The following PICALM variants were observed in gnomAD, a reference collection of about 807,000 sequenced individuals.
The protein encoded by PICALM is phosphatidylinositol binding clathrin assembly protein, also known as phosphatidylinositol-binding clathrin assembly protein.
A neutral mutation model predicts 80.5 loss-of-function variants in PICALM; 40 were observed. That is an observed-to-expected ratio of 0.50 (90% CI 0.39 to 0.65). The LOEUF (loss-of-function observed/expected upper bound fraction) is 0.65. PICALM is among the 30% of genes least tolerant of loss of function. The pLI is 0.00. For missense variants in PICALM, 676 were observed against 778.9 expected, an observed-to-expected ratio of 0.87 and a Z score of 1.57; for synonymous variants, 288 against 260.3, an observed-to-expected ratio of 1.11 and a Z score of -1.02.
chr11:86,000,611 T>C (rs373564304), intron 11 of PICALM, 32 bp downstream of exon 11: 21 of 1,564,370 alleles, frequency 1.3e-5, no homozygotes, highest in Non-Finnish European at 1.7e-5. Flanking sequence ...TGAACCTACA[T>C]ATTCAAAGGT....
At chr11:86,041,342 G>A (rs1410169770) in intron 1 of PICALM, among the ~76,000 whole-genome samples, 1 of 152,090 alleles carries the variant, frequency 6.6e-6, no homozygotes, top group Non-Finnish European at 1.5e-5. Flanking sequence ...CAGCATAATT[G>A]CTTTTTCAAG....
chr11:86,050,691 GTGGTAGAACATAAA>G (rs2096171162), intron 1 of PICALM, among the ~76,000 whole-genome samples: 1 of 152,138 alleles, frequency 6.6e-6, no homozygotes, highest in Non-Finnish European at 1.5e-5. Flanking sequence ...TTATGTCACT[GTGGTAGAACATAAA>G]TGGTGATGGA....
chr11:85,978,726 CT>C, intron 17 of PICALM: 1 of 152,220 alleles, frequency 6.6e-6, no homozygotes, highest in East Asian at 1.9e-4. Context: ...AAGATAAAGA[CT>C]GTTACCTTAT....
intron 1 of PICALM, among the ~76,000 whole-genome samples, chr11:86,065,750 CTA>C (rs2137850397): frequency 6.6e-6 from 1 of 152,300 alleles, no homozygotes; most frequent in African/African-American, 2.4e-5. Context: ...CTAGTCAACA[CTA>C]TTATCCACTA....
intron 1 of PICALM, among the ~76,000 whole-genome samples, chr11:86,047,854 C>T (rs1269616166): frequency 6.6e-6 from 1 of 152,130 alleles, no homozygotes; most frequent in Non-Finnish European, 1.5e-5. Context: ...AATACCAGCA[C>T]TTTGGGAGGC....
chr11:86,067,070 C>T (rs1273449255), intron 1 of PICALM, among the ~76,000 whole-genome samples: 1 of 152,156 alleles, frequency 6.6e-6, no homozygotes, highest in Non-Finnish European at 1.5e-5. Flanking sequence ...AACTTTTTTC[C>T]ACAGTGGAGG....
At chr11:86,020,575 A>G (rs1234521583) in intron 4 of PICALM, among the ~76,000 whole-genome samples, 1 of 152,186 alleles carries the variant, frequency 6.6e-6, no homozygotes, top group Admixed American at 6.5e-5. Context: ...CCAGAAATAA[A>G]CCTTTACATT....
chr11:86,003,318 G>T, intron 9 of PICALM, 48 bp downstream of exon 9: 1 of 1,103,940 alleles, frequency 9.1e-7, no homozygotes. Flanking sequence ...TTCATCTACT[G>T]CCTCAGAAAA....
chr11:85,982,903 A>G (rs1368203452), intron 14 of PICALM, among the ~76,000 whole-genome samples: 1 of 151,988 alleles, frequency 6.6e-6, no homozygotes, highest in East Asian at 1.9e-4. Context: ...AATCAAACAA[A>G]CCCTCTATGG....
At chr11:86,037,006 C>G (rs890002145) in intron 1 of PICALM, among the ~76,000 whole-genome samples, 1 of 149,910 alleles carries the variant, frequency 6.7e-6, no homozygotes, top group African/African-American at 2.5e-5. Flanking sequence ...GAGTGCATGG[C>G]GTGATCTCGG....
intron 18 of PICALM, 48 bp downstream of exon 18, chr11:85,976,575 A>G: frequency 1.8e-6 from 2 of 1,086,368 alleles, no homozygotes; most frequent in Non-Finnish European, 2.9e-6. Context: ...AACATGTTAT[A>G]TATGAATCAA....
chr11:86,035,042 T>C (rs974537531), intron 1 of PICALM, among the ~76,000 whole-genome samples: 1 of 152,044 alleles, frequency 6.6e-6, no homozygotes, highest in Non-Finnish European at 1.5e-5. Flanking sequence ...TTAATACACG[T>C]TCTCGACTGA....
intron 8 of PICALM, among the ~76,000 whole-genome samples, chr11:86,004,202 A>G (rs1005700962): frequency 3.3e-5 from 5 of 152,218 alleles, no homozygotes; most frequent in Non-Finnish European, 7.3e-5. Flanking sequence ...TGGAAAATGG[A>G]TAGACAAAAT....
At chr11:86,066,967 T>C (rs1390030137) in intron 1 of PICALM, among the ~76,000 whole-genome samples, 1 of 152,222 alleles carries the variant, frequency 6.6e-6, no homozygotes, top group Non-Finnish European at 1.5e-5. Flanking sequence ...TTTAAACATA[T>C]TCTCCATTCT....
At chr11:86,021,367 A>AT (rs1180151632) in intron 4 of PICALM, among the ~76,000 whole-genome samples, 2 of 152,026 alleles carry the variant, frequency 1.3e-5, no homozygotes, top group South Asian at 2.1e-4. Context: ...TTGAAGAGGC[A>AT]TTTTTTCAAA....
chr11:86,034,296 T>C (rs972901401), intron 1 of PICALM, among the ~76,000 whole-genome samples: 2 of 152,184 alleles, frequency 1.3e-5, no homozygotes, highest in African/African-American at 4.8e-5. Context: ...ATTTTCTCCA[T>C]ACAGTAATTT....
chr11:86,039,677 G>T (rs530290754), intron 1 of PICALM, among the ~76,000 whole-genome samples: 2 of 152,090 alleles, frequency 1.3e-5, no homozygotes, highest in Non-Finnish European at 2.9e-5. Context: ...TTTAACAGAG[G>T]TAAGTATTCC....
At chr11:86,022,774 TTC>T (rs2095588433) in intron 3 of PICALM, among the ~76,000 whole-genome samples, 3 of 135,648 alleles carry the variant, frequency 2.2e-5, no homozygotes, top group Admixed American at 7.5e-5. Flanking sequence ...TAGAAAAACG[TTC>T]TTTTACACAA....
chr11:86,000,978 T>C (rs1222866198), intron 10 of PICALM, 57 bp downstream of exon 10: 53 of 1,598,392 alleles, frequency 3.3e-5, no homozygotes, highest in Middle Eastern at 1.7e-4. Flanking sequence ...AGAGGCCCCA[T>C]TTACCTAATG....
Sources: allele counts gnomAD v4.1 joint callset (sites outside exome capture counted in the v4.1 genomes callset), GRCh38; gene constraint gnomAD v4.1.1; transcripts MANE v1.5; gene names NCBI Gene and HGNC (gene_info 2026-07-23, HGNC 2026-07-21).